Variants in MMP24 observed in about 807,000 individuals in gnomAD.
MMP24 encodes matrix metallopeptidase 24.
MMP24 carries 25 observed loss-of-function variants against 62.8 expected under a neutral mutation model. The ratio of observed to expected loss-of-function variants is 0.40; its 90% confidence interval spans 0.29 to 0.56. The LOEUF (loss-of-function observed/expected upper bound fraction) is 0.56. MMP24 is among the 20% of genes least tolerant of loss of function. The pLI, the probability that MMP24 is intolerant of heterozygous loss-of-function variation, is 0.50. For synonymous variants in MMP24, 319 were observed against 350.5 expected (o/e 0.91, Z 1.00); for missense variants, 634 against 853.6 (o/e 0.74, Z 3.21).
chr20:35,234,016 G>A (rs144094086), intron 1 of MMP24, among the ~76,000 whole-genome samples: 50 of 152,212 alleles, frequency 3.3e-4, no homozygotes, highest in African/African-American at 1.1e-3. Flanking sequence ...TAATGAAGCC[G>A]ATGAGGCCCT....
rs759331413 is a variant in MMP24, at chr20:35,254,739, A to G, written c.802A>G (p.Asn268Asp). The G allele has an allele frequency of 3.7e-6, 6 of 1,612,538 alleles. No homozygotes were observed. In the East Asian group the frequency reaches 1.3e-4, roughly 36 times the overall value. The change falls in exon 4 of 9, where the codon AAT becomes GAT. Residue 268 changes from asparagine to aspartate, a missense_variant. Coordinates refer to ENST00000246186, the MANE Select transcript of MMP24 (RefSeq NM_006690.4). ...CTCCGATGAGCCATGGACGCTAGGA[A>G]ATGCCAACCATGACGGTAAGGCCAT... ...FDSDEPWTLG[N>D]ANHDGNDLFL...
intron 1 of MMP24, among the ~76,000 whole-genome samples, chr20:35,234,370 A>C (rs1414347043): frequency 1.3e-5 from 2 of 152,146 alleles, no homozygotes; most frequent in Admixed American, 6.5e-5. Context: ...TTCCATGTCT[A>C]TCTCTCCCAC....
intron 5 of MMP24, 59 bp from the exon 6 acceptor site, chr20:35,267,146 C>A: frequency 7.2e-7 from 1 of 1,393,050 alleles, no homozygotes; most frequent in Admixed American, 2.1e-5. Context: ...GATGCTGAGA[C>A]TGGCAATGGG....
rs916409678 is a variant in MMP24, at chr20:35,274,424, G to A, written c.1753G>A (p.Asp585Asn). Reference protein sequence around the residue: ...ERRKERRLPQDDVDIMVTIND... With the variant: ...ERRKERRLPQNDVDIMVTIND... ...GCGGAAGGAGCGGCGGCTGCCCCAG[G>A]ACGACGTGGACATCATGGTGACCAT... Residue 585 changes from aspartate (D) to asparagine (N), a missense_variant, in exon 9 of 9, where the codon GAC becomes AAC. By Grantham distance (23) the Asp-to-Asn change is conservative (BLOSUM62 1). This residue lies in a region of MMP24 where 399 missense variants were observed against 530.8 expected (regional missense o/e 0.75). Coordinates refer to ENST00000246186, the MANE Select transcript of MMP24 (RefSeq NM_006690.4). This position sits in a 1 kb window ranked among gnomAD's most constrained non-coding sequence, Gnocchi z 5.1. The A allele has an allele frequency of 2.5e-6, 4 of 1,613,952 alleles. No individual in the cohort carries two copies. The highest frequency in any genetic ancestry group is 2.2e-5 in the East Asian group (1 of 44,886).
At chr20:35,240,320 TGTC>T (rs945147193) in intron 1 of MMP24, among the ~76,000 whole-genome samples, 1 of 152,052 alleles carries the variant, frequency 6.6e-6, no homozygotes, top group African/African-American at 2.4e-5. Flanking sequence ...CACACCATAT[TGTC>T]TATGATCTCT....
At chr20:35,270,436 T>C (rs1690068014) in intron 7 of MMP24, among the ~76,000 whole-genome samples, 1 of 152,252 alleles carries the variant, frequency 6.6e-6, no homozygotes, top group South Asian at 2.1e-4. Flanking sequence ...GCCCACCTGA[T>C]GGCCACGGAG....
In MMP24 at chr20:35,254,603, C is replaced by G; in HGVS notation, c.666C>G (p.Ile222Met). Residue 222 changes from isoleucine to methionine, a missense_variant, in exon 4 of 9, where the codon ATC (isoleucine) becomes ATG (methionine). Coordinates refer to ENST00000246186, the MANE Select transcript of MMP24 (RefSeq NM_006690.4). ...KSDRKEADIM[I>M]FFASGFHGDS... is the part of the protein sequence containing the mutation. The stretch of plus-strand genomic sequence containing the variant: ...ACCGGAAGGAGGCAGACATCATGAT[C>G]TTTTTTGCTTCTGGTTTCCATGGCG... 1 of 1,614,176 alleles carries G rather than the reference C, an allele frequency of 6.2e-7. No homozygotes were observed. The highest frequency in any genetic ancestry group is 8.5e-7 in the Non-Finnish European group (1 of 1,180,012).
At chr20:35,236,713 C>T (rs2060465063) in intron 1 of MMP24, among the ~76,000 whole-genome samples, 2 of 152,062 alleles carry the variant, frequency 1.3e-5, no homozygotes, top group Non-Finnish European at 2.9e-5. Context: ...GTGGCTCACA[C>T]CTGTAATCCC....
intron 5 of MMP24, 149 bp from the exon 6 acceptor site, chr20:35,267,056 C>T: frequency 1.6e-6 from 1 of 641,944 alleles, no homozygotes; most frequent in South Asian, 2.0e-5. Context: ...CATCCATTTT[C>T]TCAAAGACTG....
Position 35,271,925 on chromosome 20 carries a change from G to A in MMP24, c.1600+90G>A, listed in dbSNP as rs751729449. On this transcript the variant is annotated intron_variant, in intron 8 of 8. Transcript: ENST00000246186. The surrounding 1 kb of genome is among the most constrained non-coding windows in gnomAD (Gnocchi z 4.0). ...ACGGGCATACTCAGTGCCCATGGGC[G>A]TCCAGGTTTGAAAAAACACCTGGTG... 448 of 1,401,374 alleles carry A rather than the reference G, an allele frequency of 3.2e-4. No homozygotes were observed. The highest frequency in any genetic ancestry group is 3.8e-4 in the Non-Finnish European group (408 of 1,060,652). 86.8% of individuals were successfully genotyped at this position (1,401,374 alleles called of 1,614,324 possible).
Position 35,274,411 on chromosome 20 carries a change from G to A in MMP24, c.1740G>A (p.Arg580=). 6.2e-7 allele frequency: 1 copy of A among 1,613,998 alleles called. No homozygotes were observed. The highest frequency in any genetic ancestry group is 8.5e-7 in the Non-Finnish European group (1 of 1,179,892). Residue 580 remains arginine (R), a synonymous_variant, in exon 9 of 9, where the codon CGG becomes CGA. Transcript: ENST00000246186. This position sits in a 1 kb window ranked among gnomAD's most constrained non-coding sequence, Gnocchi z 5.1. ...AGGAGGTGGAGCGGCGGAAGGAGCG[G>A]CGGCTGCCCCAGGACGACGTGGACA... The part of the protein sequence containing the change: ...NQKEVERRKE[R]RLPQDDVDIM...
intron 1 of MMP24, among the ~76,000 whole-genome samples, chr20:35,244,502 G>A (rs1244469261): frequency 1.3e-5 from 2 of 152,070 alleles, no homozygotes; most frequent in Non-Finnish European, 2.9e-5. Flanking sequence ...GTGTAATGGC[G>A]TGATCTCAGC....
chr20:35,270,024 G>C lies in MMP24; in HGVS notation c.1333+126G>C, dbSNP rs146739705. The C allele has an allele frequency of 1.9e-4, 229 of 1,201,352 alleles. No individual in the cohort carries two copies. In the African/African-American group the frequency reaches 3.4e-3, roughly 18 times the overall value. 74.4% of individuals were successfully genotyped at this position (1,201,352 alleles called of 1,614,324 possible). A position where few individuals can be genotyped will look rare whatever the true frequency, so the allele number is the denominator to read the frequency against. On this transcript the variant is annotated intron_variant, in intron 7 of 8. Coordinates refer to ENST00000246186, the MANE Select transcript of MMP24 (RefSeq NM_006690.4). The stretch of plus-strand genomic sequence containing the variant: ...CAGAGGGCCCCTCTAGTCTAACGGA[G>C]ACACTGACCTCTGACAAATCAAGTC...
chr20:35,247,290 G>A (rs368128949), intron 2 of MMP24, among the ~76,000 whole-genome samples: 3 of 152,106 alleles, frequency 2.0e-5, no homozygotes, highest in African/African-American at 7.2e-5. Context: ...CCTCTGGCTC[G>A]AATAATTTAT....
intron 4 of MMP24, among the ~76,000 whole-genome samples, chr20:35,255,053 A>G (rs1340599794): frequency 6.6e-6 from 1 of 152,210 alleles, no homozygotes; most frequent in African/African-American, 2.4e-5. Context: ...AAAAGGGGCC[A>G]GGCACAATGG....
chr20:35,243,575 C>G (rs764842850), intron 1 of MMP24, among the ~76,000 whole-genome samples: 1 of 151,070 alleles, frequency 6.6e-6, no homozygotes, highest in Non-Finnish European at 1.5e-5. Flanking sequence ...TAAGCTACAG[C>G]CCCTTCCCTC....
At chr20:35,248,377 T>C (rs6060324) in intron 2 of MMP24, among the ~76,000 whole-genome samples, 10,787 of 147,942 alleles carry the variant, frequency 0.073, 1,047 homozygotes, top group African/African-American at 0.23. Flanking sequence ...GTGATCTCGG[T>C]TCACTGCAAC....
chr20:35,244,164 T>A (rs1395368933), intron 1 of MMP24, among the ~76,000 whole-genome samples: 4 of 152,216 alleles, frequency 2.6e-5, no homozygotes, highest in Non-Finnish European at 1.5e-5. Flanking sequence ...AGCCTGTTCA[T>A]ATAGACACAT....
chr20:35,273,609 G>A (rs966149378), intron 8 of MMP24, among the ~76,000 whole-genome samples: 12 of 152,098 alleles, frequency 7.9e-5, no homozygotes, highest in Non-Finnish European at 1.0e-4. Context: ...ATCAAGGACC[G>A]AGACCAATGA....
Sources: allele counts gnomAD v4.1 joint callset (sites outside exome capture counted in the v4.1 genomes callset), GRCh38; gene constraint gnomAD v4.1.1; regional missense constraint gnomAD v4.1.1; non-coding constraint Gnocchi (gnomAD v3.1); transcripts MANE v1.5; gene names NCBI Gene and HGNC (gene_info 2026-07-23, HGNC 2026-07-21).